The following SYNJ1 variants were observed in gnomAD, a reference collection of about 807,000 sequenced individuals.
SYNJ1 encodes polyphosphatidylinositol phosphatase SYNJ1.
Under a neutral mutation model 168.2 loss-of-function variants are expected in SYNJ1, and 78 were observed. The ratio of observed to expected loss-of-function variants is 0.46; its 90% CI spans 0.39 to 0.56. SYNJ1 has a LOEUF of 0.56. Ranked by LOEUF, SYNJ1 falls within the 20% of genes least tolerant of loss-of-function variation. SYNJ1 has a pLI of 0.00. For synonymous variants in SYNJ1, 539 were observed against 548.6 expected (o/e 0.98, Z 0.24); for missense variants, 1,303 against 1,597.6 (o/e 0.82, Z 3.14).
chr21:32,682,413 GTTTTA>G (rs1022193710), intron 10 of SYNJ1, among the ~76,000 whole-genome samples: 16 of 151,898 alleles, frequency 1.1e-4, no homozygotes, highest in African/African-American at 3.1e-4. Flanking sequence ...TCCAATTTAC[GTTTTA>G]TTTTATCATG....
intron 16 of SYNJ1, 80 bp downstream of exon 16, chr21:32,666,353 T>C: frequency 6.5e-7 from 1 of 1,541,124 alleles, no homozygotes; most frequent in Non-Finnish European, 8.7e-7. Flanking sequence ...TTTGAAGAAC[T>C]GAAACAATAA....
intron 29 of SYNJ1, among the ~76,000 whole-genome samples, chr21:32,640,289 G>GAAAT (rs1458189825): frequency 6.6e-6 from 1 of 151,682 alleles, no homozygotes; most frequent in Non-Finnish European, 1.5e-5. Flanking sequence ...AACACCCTGA[G>GAAAT]ATTTGTTTTT....
chr21:32,695,103 C>T lies in SYNJ1; in HGVS notation c.659G>A (p.Gly220Glu), dbSNP rs755675241. Reference sequence around the variant, plus strand: ...GGCAACATGACCATCATCATTTGTTCCCCGGACATTAAACCTGGTCCCAGC... The same window carrying T: ...GGCAACATGACCATCATCATTTGTTTCCCGGACATTAAACCTGGTCCCAGC... Reference protein sequence around the residue: ...ERAGTRFNVRGTNDDGHVANF... With the variant: ...ERAGTRFNVRETNDDGHVANF... Residue 220 changes from glycine (G) to glutamate (E), a missense_variant, in exon 5 of 33, where the codon GGA becomes GAA. This residue lies in a region of SYNJ1 where 920 missense variants were observed against 1,208.8 expected (regional missense o/e 0.76). Coordinates refer to ENST00000674351, the MANE Select transcript of SYNJ1 (RefSeq NM_203446.3). The T allele has an allele frequency of 1.2e-6, 2 of 1,614,034 alleles. No homozygotes were observed. The highest frequency in any genetic ancestry group is 1.1e-5 in the South Asian group (1 of 91,074).
At chr21:32,632,681 C>T (rs1017457821) in intron 32 of SYNJ1, among the ~76,000 whole-genome samples, 2 of 152,164 alleles carry the variant, frequency 1.3e-5, no homozygotes, top group African/African-American at 2.4e-5. Context: ...CCACCATGCC[C>T]GGCACAGCTG....
intron 21 of SYNJ1, 105 bp from the exon 22 acceptor site, chr21:32,653,471 GAAGTAAA>G: frequency 2.2e-6 from 2 of 899,714 alleles, no homozygotes; most frequent in Admixed American, 2.4e-5. Flanking sequence ...AAGAGGCCAG[GAAGTAAA>G]AAGTAAAGGA....
Position 32,695,198 on chromosome 21 carries a change from T to G in SYNJ1, c.564A>C (p.Glu188Asp), listed in dbSNP as rs1423467857. ...WLLRLMCGGV[E>D]IRTIYAAHKQ... ...TATGAGCAGCATAAATTGTTCTGAT[T>G]TCTACTCCTCCACACATAAGACGTA... Residue 188 changes from glutamate to aspartate, a missense_variant, in exon 5 of 33, where the codon GAA becomes GAC. By Grantham distance (45) the Glu-to-Asp change is conservative. Coordinates refer to ENST00000674351, the MANE Select transcript of SYNJ1 (RefSeq NM_203446.3). 3 of 1,614,030 alleles carry G rather than the reference T, an allele frequency of 1.9e-6. No individual in the cohort carries two copies. The highest frequency in any genetic ancestry group is 2.5e-6 in the Non-Finnish European group (3 of 1,180,022).
intron 2 of SYNJ1, among the ~76,000 whole-genome samples, chr21:32,704,181 G>T (rs780501156): frequency 3.9e-5 from 6 of 152,062 alleles, no homozygotes; most frequent in Non-Finnish European, 8.8e-5. Context: ...ACTGATGAAG[G>T]CCCATCTATT....
intron 22 of SYNJ1, among the ~76,000 whole-genome samples, chr21:32,651,979 T>C (rs1190054704): frequency 6.6e-6 from 1 of 152,226 alleles, no homozygotes; most frequent in East Asian, 1.9e-4. Context: ...TTTGTGTTAA[T>C]GTGTTTGTGT....
chr21:32,666,547 A>G lies in SYNJ1; in HGVS notation c.1838T>C (p.Val613Ala), dbSNP rs533986373. ...ASTTNQKLWA[V>A]ELQKTISRDN... ...TCTGGAGATTGTCTTCTGAAGTTCT[A>G]CAGCCCAGAGCTTCTGATTTGTTGT... is the stretch of plus-strand genomic sequence containing the variant. Residue 613 changes from valine to alanine, a missense_variant, in exon 16 of 33, where the codon GTA (valine) becomes GCA (alanine). By Grantham distance (64) the Val-to-Ala change is moderately conservative (BLOSUM62 0). Transcript: ENST00000674351. 1 of 1,614,010 alleles carries G rather than the reference A, an allele frequency of 6.2e-7. No individual in the cohort carries two copies. The highest frequency in any genetic ancestry group is 1.1e-5 in the South Asian group (1 of 91,028).
intron 6 of SYNJ1, 70 bp downstream of exon 6, chr21:32,694,158 A>T: frequency 9.0e-7 from 1 of 1,112,576 alleles, no homozygotes; most frequent in Non-Finnish European, 1.2e-6. Flanking sequence ...TAATTAATAA[A>T]CTATCCAGAA....
chr21:32,684,212 C>T, intron 9 of SYNJ1, 93 bp from the exon 10 acceptor site: 1 of 1,153,690 alleles, frequency 8.7e-7, no homozygotes, highest in Admixed American at 1.9e-5. Flanking sequence ...TAGCATCCAC[C>T]TTCCCTCTCC....
chr21:32,641,284 T>A (rs1747760161), intron 29 of SYNJ1, among the ~76,000 whole-genome samples: 1 of 152,216 alleles, frequency 6.6e-6, no homozygotes, highest in African/African-American at 2.4e-5. Context: ...TTTCTCTCTG[T>A]TCTTGATTAC....
chr21:32,711,647 G>A (rs2042835086), intron 2 of SYNJ1, among the ~76,000 whole-genome samples: 1 of 152,164 alleles, frequency 6.6e-6, no homozygotes, highest in South Asian at 2.1e-4. Context: ...ATAATACTAT[G>A]TCATGTGACA....
intron 18 of SYNJ1, among the ~76,000 whole-genome samples, chr21:32,661,215 C>G (rs1023264549): frequency 3.9e-5 from 6 of 152,138 alleles, no homozygotes; most frequent in Non-Finnish European, 5.9e-5. Context: ...AGTTGTTAGG[C>G]CGGTACTTCT....
At chr21:32,665,795 G>T in intron 17 of SYNJ1, 148 bp downstream of exon 17, 6 of 869,892 alleles carry the variant, frequency 6.9e-6, no homozygotes, top group Non-Finnish European at 1.0e-5. Flanking sequence ...GATATTTTGG[G>T]TTAATACTCA....
At position 32,667,886 on chromosome 21, in the gene SYNJ1, G is replaced by A. The variant is rs116197219; in HGVS notation, c.1812-1313C>T. Among the ~76,000 whole-genome samples, 1,281 of 151,994 alleles carry A rather than the reference G, an allele frequency of 8.4e-3. 23 individuals carry two copies. Among genetic ancestry groups the A allele is most frequent in the African/African-American group, 0.03 (1,226 of 41,446 alleles). On this transcript the variant is annotated intron_variant, in intron 15 of 32. Coordinates refer to ENST00000674351, the MANE Select transcript of SYNJ1 (RefSeq NM_203446.3). ...TGTCCGTTTCTTCCCACTAGAATAC[G>A]AAGTCCATGAAGATAGGGATTTTTG... is the stretch of plus-strand genomic sequence containing the variant.
chr21:32,633,219 G>A (rs891660654), intron 32 of SYNJ1, among the ~76,000 whole-genome samples: 3 of 152,074 alleles, frequency 2.0e-5, no homozygotes, highest in African/African-American at 7.3e-5. Context: ...GTGGTGCCTG[G>A]TCCCTTCTAT....
chr21:32,691,783 T>A (rs2042034813), intron 6 of SYNJ1, among the ~76,000 whole-genome samples: 1 of 152,194 alleles, frequency 6.6e-6, no homozygotes, highest in Non-Finnish European at 1.5e-5. Context: ...CATCATTATA[T>A]CTTTGAATCT....
At chr21:32,703,117 C>G (rs2042471367) in intron 2 of SYNJ1, among the ~76,000 whole-genome samples, 1 of 152,262 alleles carries the variant, frequency 6.6e-6, no homozygotes, top group Non-Finnish European at 1.5e-5. Flanking sequence ...AGCCTTCTTC[C>G]TAGTGATCTG....
Sources: gnomAD v4.1 joint callset for allele counts (sites outside exome capture counted in the v4.1 genomes callset) on GRCh38, gnomAD v4.1.1 for gene constraint, gnomAD v4.1.1 regional missense constraint, MANE v1.5 for transcripts, NCBI Gene and HGNC (gene_info 2026-07-23, HGNC 2026-07-21) for gene names.